The following PDHA1 variants were observed in gnomAD, a reference collection of about 807,000 sequenced individuals.
PDHA1 encodes the protein pyruvate dehydrogenase E1 subunit alpha 1.
In PDHA1, 1 loss-of-function variant was observed where a neutral mutation model predicts 33.0. The ratio of observed to expected loss-of-function variants is 0.03; its 90% CI spans 0.01 to 0.14. The LOEUF (loss-of-function observed/expected upper bound fraction) is 0.14, where lower values mean the gene tolerates loss of function less well. Ranked by LOEUF, PDHA1 falls within the 10% of genes least tolerant of loss-of-function variation. The pLI is 1.00. For missense variants in PDHA1, 168 were observed against 325.1 expected (o/e 0.52, Z 3.72); for synonymous variants, 123 against 119.2 (o/e 1.03, Z -0.21).
Position 19,361,586 on chromosome X carries a change from T to C in PDHA1, c.*1933T>C. The C allele has an allele frequency of 8.4e-7, 1 of 1,188,522 alleles. No individual in the cohort carries two copies. The highest frequency in any genetic ancestry group is 1.1e-6 in the Non-Finnish European group (1 of 876,137). On this transcript the variant is annotated 3_prime_UTR_variant, in exon 11 of 11. Coordinates refer to ENST00000422285, the MANE Select transcript of PDHA1 (RefSeq NM_000284.4). ...GCCCGTAGGGGCCTGCTGGGTTCTC[T>C]GTAATACCTGTAACGATTGGCAATT...
Position 19,355,764 on chromosome X carries a change from C to G in PDHA1, c.831+7C>G. On this transcript the variant is annotated splice_region_variant and intron_variant, in intron 8 of 10. Coordinates refer to ENST00000422285, the MANE Select transcript of PDHA1 (RefSeq NM_000284.4). Reference sequence around the variant, plus strand: ...CTATTGTAGATCTGGGAAGGTAAGGCTCTAAAGCCCTCTGGGCTAGTGACA... The same window carrying G: ...CTATTGTAGATCTGGGAAGGTAAGGGTCTAAAGCCCTCTGGGCTAGTGACA... The G allele has an allele frequency of 8.6e-7, 1 of 1,158,858 alleles. No homozygotes were observed.
chrX:19,355,993 C>G (rs2063194941), intron 8 of PDHA1, among the ~76,000 whole-genome samples: 1 of 111,941 alleles, frequency 8.9e-6, no homozygotes, highest in Non-Finnish European at 1.9e-5. Context: ...TCTGCTTTGG[C>G]CTGTCTTCAT....
chrX:19,359,113 G>C (rs1312022329), intron 10 of PDHA1, 89 bp downstream of exon 10: 3 of 566,061 alleles, frequency 5.3e-6, no homozygotes, highest in Non-Finnish European at 9.4e-6. Context: ...GTTCCTCCAA[G>C]CCCAGAAAGT....
chrX:19,345,051 G>C (rs1389112229), intron 1 of PDHA1, among the ~76,000 whole-genome samples: 2 of 111,033 alleles, frequency 1.8e-5, no homozygotes. Context: ...CTTGAGGGGT[G>C]GGGGGTAGAG....
Position 19,361,515 on chromosome X carries a change from G to C in PDHA1, c.*1862G>C, listed in dbSNP as rs1269620396. On this transcript the variant is annotated 3_prime_UTR_variant, in exon 11 of 11. Coordinates refer to ENST00000422285, the MANE Select transcript of PDHA1 (RefSeq NM_000284.4). ...TACCTTTTCAATTGTCTTTGCATCA[G>C]CTCCTTGCAGCCGCAACCAGTCTAT... is the stretch of plus-strand genomic sequence containing the variant. 4 of 1,210,300 alleles carry C rather than the reference G, an allele frequency of 3.3e-6. No individual in the cohort carries two copies. The South Asian group carries it at 5.3e-5, about 16-fold the overall frequency.
chrX:19,359,162 C>T (rs758687399), intron 10 of PDHA1, 138 bp downstream of exon 10: 1 of 484,780 alleles, frequency 2.1e-6, no homozygotes, highest in Admixed American at 3.3e-5. Context: ...GTTCCAAAGT[C>T]CCTTGGGGTG....
intron 9 of PDHA1, among the ~76,000 whole-genome samples, chrX:19,358,013 G>A (rs1023747228): frequency 2.1e-4 from 23 of 111,452 alleles, no homozygotes; most frequent in African/African-American, 6.5e-4. Context: ...TGGTAGTGTA[G>A]TATCTTGGGG....
At chrX:19,351,246 A>G in intron 3 of PDHA1, 35 bp from the exon 4 acceptor site, 1 of 1,195,672 alleles carries the variant, frequency 8.4e-7, no homozygotes, top group Non-Finnish European at 1.1e-6. Context: ...AACATGTATC[A>G]TATTGCCTCA....
intron 9 of PDHA1, 27 bp from the exon 10 acceptor site, chrX:19,358,889 T>G (rs1297311788): frequency 1.1e-6 from 1 of 889,191 alleles, no homozygotes; most frequent in African/African-American, 2.0e-5. Context: ...CTCTTACTGA[T>G]CGATTACTAC....
At chrX:19,358,556 T>TGGGTG (rs2063223239) in intron 9 of PDHA1, among the ~76,000 whole-genome samples, 1 of 111,326 alleles carries the variant, frequency 9.0e-6, no homozygotes, top group Non-Finnish European at 1.9e-5. Context: ...GGAGCCCAAA[T>TGGGTG]GGGTGGGACA....
At chrX:19,352,310 C>T (rs988774396) in intron 4 of PDHA1, among the ~76,000 whole-genome samples, 1 of 106,223 alleles carries the variant, frequency 9.4e-6, no homozygotes, top group Admixed American at 1.0e-4. Flanking sequence ...TTTTGGCTCA[C>T]TGCAGCCTCC....
Position 19,350,114 on chromosome X carries a change from A to G in PDHA1, c.291+4A>G. 8.4e-7 allele frequency: 1 copy of G among 1,187,840 alleles called. No homozygotes were observed. Among genetic ancestry groups the G allele is most frequent in the South Asian group, 1.8e-5 (1 of 56,483 alleles). On this transcript the variant is annotated splice_donor_region_variant and intron_variant, in intron 3 of 10. Coordinates refer to ENST00000422285, the MANE Select transcript of PDHA1 (RefSeq NM_000284.4). ...CTGTCACTTGTGTGATGGTCAGGTG[A>G]GTGGTAGGTTTGTGGTGGAACTGTG...
chrX:19,357,881 TAAG>T (rs954559084), intron 9 of PDHA1, among the ~76,000 whole-genome samples, 162 bp downstream of exon 9: 5 of 112,520 alleles, frequency 4.4e-5, no homozygotes, highest in East Asian at 5.6e-4. Context: ...TGCCTCCTAA[TAAG>T]AAAGCTTTCT....
At chrX:19,348,958 C>T (rs7059024) in intron 1 of PDHA1, among the ~76,000 whole-genome samples, 24,206 of 111,527 alleles carry the variant, frequency 0.22, 5,021 homozygotes, top group African/African-American at 0.66. Flanking sequence ...AACAAACAAA[C>T]AAAAGAATGG....
chrX:19,343,951 C>T lies in PDHA1; in HGVS notation c.-87C>T. 1.2e-6 allele frequency: 1 copy of T among 860,301 alleles called. No individual in the cohort carries two copies. Among genetic ancestry groups the T allele is most frequent in the Non-Finnish European group, 1.7e-6 (1 of 584,864 alleles). The allele number at this position is 860,301 out of a possible 1,213,427, so 70.9% of individuals were successfully genotyped here. ...CGGTGCGACTGAGGCGTGGCGTCTG[C>T]TGGGGCACCTGAAGGAGACTTGGGG... On this transcript the variant is annotated 5_prime_UTR_variant, in exon 1 of 11. Transcript: ENST00000422285.
intron 8 of PDHA1, 69 bp from the exon 9 acceptor site, chrX:19,357,583 C>T (rs1474305318): frequency 1.0e-5 from 9 of 872,796 alleles, no homozygotes; most frequent in South Asian, 4.0e-5. Flanking sequence ...CGTTTGAGGC[C>T]GTGGATTGCC....
intron 2 of PDHA1, 137 bp from the exon 3 acceptor site, chrX:19,349,800 G>A (rs111497163): frequency 2.5e-5 from 13 of 515,417 alleles, no homozygotes; most frequent in African/African-American, 4.6e-5. Flanking sequence ...GAACAGAGGC[G>A]ATATGAAGCA....
intron 8 of PDHA1, among the ~76,000 whole-genome samples, chrX:19,356,391 C>T (rs148068925): frequency 8.6e-4 from 96 of 111,701 alleles, no homozygotes; most frequent in African/African-American, 2.9e-3. Context: ...ATACCATGTA[C>T]GTTTAGGCAG....
intron 1 of PDHA1, among the ~76,000 whole-genome samples, chrX:19,346,054 C>T (rs751184334): frequency 9.0e-6 from 1 of 111,682 alleles, no homozygotes; most frequent in Non-Finnish European, 1.9e-5. Flanking sequence ...CAAAATAGAT[C>T]AACGTTTTAG....
Sources: gnomAD v4.1 joint callset for allele counts (sites outside exome capture counted in the v4.1 genomes callset) on GRCh38, gnomAD v4.1.1 for gene constraint, MANE v1.5 for transcripts, NCBI Gene and HGNC (gene_info 2026-07-23, HGNC 2026-07-21) for gene names.